The following TRPM8 variants were observed in gnomAD, a reference collection of about 807,000 sequenced individuals.
The protein encoded by TRPM8 is TRPM8 cationic channel.
A neutral mutation model predicts 133.7 loss-of-function variants in TRPM8; 110 were observed. The ratio of observed to expected loss-of-function variants is 0.82; its 90% confidence interval spans 0.70 to 0.96. The LOEUF (loss-of-function observed/expected upper bound fraction) is 0.96. Among genes scored for constraint, TRPM8 ranks in the 40% least tolerant of loss-of-function variants. The probability of loss-of-function intolerance (pLI) is 0.00; values close to 1 mark genes in which losing one functional copy is unlikely to be tolerated. For synonymous variants in TRPM8, 535 were observed against 532.3 expected (o/e 1.01, Z -0.07); for missense variants, 1,291 against 1,379.5 (o/e 0.94, Z 1.02).
chr2:233,974,705 G>A (rs562122029), intron 17 of TRPM8, among the ~76,000 whole-genome samples: 1 of 152,258 alleles, frequency 6.6e-6, no homozygotes, highest in Non-Finnish European at 1.5e-5. Flanking sequence ...AGCTCTGTGG[G>A]GGCAGCAGAG....
Position 233,955,129 on chromosome 2 carries a change from C to T in TRPM8, c.1244-3C>T, listed in dbSNP as rs1184153952. 1.2e-6 allele frequency: 2 copies of T among 1,611,908 alleles called. No homozygotes were observed. Among genetic ancestry groups the T allele is most frequent in the Admixed American group, 1.7e-5 (1 of 59,994 alleles). ...AGTTGAGTCTTTTCCTGCCCTCTCA[C>T]AGCCTTCAGCACCAGTGAGCAAGAC... On this transcript the variant is annotated splice_region_variant and splice_polypyrimidine_tract_variant and intron_variant, in intron 10 of 25. Transcript: ENST00000324695.
At chr2:233,925,641 G>A (rs1691499551) in intron 1 of TRPM8, among the ~76,000 whole-genome samples, 1 of 152,180 alleles carries the variant, frequency 6.6e-6, no homozygotes, top group Non-Finnish European at 1.5e-5. Flanking sequence ...AAGGGGTGAG[G>A]AGGAAGGACT....
chr2:233,920,257 G>C (rs933966308), intron 1 of TRPM8, among the ~76,000 whole-genome samples: 1 of 152,184 alleles, frequency 6.6e-6, no homozygotes, highest in South Asian at 2.1e-4. Context: ...TGAAAAAAAT[G>C]TGAACGGTAT....
At chr2:233,961,366 C>A (rs1691432863) in intron 12 of TRPM8, among the ~76,000 whole-genome samples, 1 of 152,094 alleles carries the variant, frequency 6.6e-6, no homozygotes, top group Admixed American at 6.5e-5. Context: ...AGTGCAGTGG[C>A]CGAATCTCAG....
At chr2:233,956,404 T>C (rs1264825178) in intron 11 of TRPM8, among the ~76,000 whole-genome samples, 1 of 152,240 alleles carries the variant, frequency 6.6e-6, no homozygotes, top group Admixed American at 6.5e-5. Flanking sequence ...TTTCCAGCAG[T>C]ATCCTCCCGT....
Position 233,921,656 on chromosome 2 carries a change from T to G in TRPM8, c.-6+4224T>G, listed in dbSNP as rs1412753878. Among the ~76,000 whole-genome samples, 3 of 149,044 alleles carry G rather than the reference T, an allele frequency of 2.0e-5. 1 individual carries two copies. The Admixed American group carries it at 2.0e-4, about 10-fold the overall frequency. On this transcript the variant is annotated intron_variant, in intron 1 of 25. Transcript: ENST00000324695. The stretch of plus-strand genomic sequence containing the variant: ...TTTCTTTTCTTTTTTTTCTTTTTCT[T>G]TTTTCTTTTTCTTTTCTTTTCTTTT...
At chr2:233,983,000 C>G in intron 19 of TRPM8, 53 bp from the exon 20 acceptor site, 1 of 1,576,100 alleles carries the variant, frequency 6.3e-7, no homozygotes, top group Non-Finnish European at 8.6e-7. Context: ...GCCGGGGGGA[C>G]TTGCCAACTG....
Position 233,923,024 on chromosome 2 carries a change from C to G in TRPM8, c.-5-3509C>G, listed in dbSNP as rs557400793. On this transcript the variant is annotated intron_variant, in intron 1 of 25. Coordinates refer to ENST00000324695, the MANE Select transcript of TRPM8 (RefSeq NM_024080.5). The stretch of plus-strand genomic sequence containing the variant: ...CTGGGACTACAGGCACCCGCCACCA[C>G]GCCTGGCTAATTTTTTTTGTTGTTG... Among the ~76,000 whole-genome samples, 4 of 152,042 alleles carry G rather than the reference C, an allele frequency of 2.6e-5. No individual in the cohort carries two copies. In the East Asian group the frequency reaches 5.8e-4, roughly 22 times the overall value.
chr2:233,935,903 C>T (rs1042480083), intron 3 of TRPM8, among the ~76,000 whole-genome samples: 5 of 152,096 alleles, frequency 3.3e-5, no homozygotes, highest in African/African-American at 4.8e-5. Flanking sequence ...TCAGGATGCC[C>T]TGGATAGAGA....
Position 233,961,014 on chromosome 2 carries a change from G to A in TRPM8, c.1601G>A (p.Gly534Asp), listed in dbSNP as rs933980365. 1 of 1,614,168 alleles carries A rather than the reference G, an allele frequency of 6.2e-7. No homozygotes were observed. Among genetic ancestry groups the A allele is most frequent in the Non-Finnish European group, 8.5e-7 (1 of 1,180,042 alleles). Residue 534 changes from glycine (G) to aspartate (D), a missense_variant, in exon 12 of 26, where the codon GGC (glycine) becomes GAC (aspartate). By Grantham distance (94) the Gly-to-Asp change is moderately conservative. Transcript: ENST00000324695. ...VWKLVANFRR[G>D]FRKEDRNGRD... Reference sequence around the variant, plus strand: ...AAACTGGTTGCGAACTTCCGAAGAGGCTTCCGGAAGGAAGACAGAAATGGC... The same window carrying A: ...AAACTGGTTGCGAACTTCCGAAGAGACTTCCGGAAGGAAGACAGAAATGGC...
In TRPM8 at chr2:233,955,208, C is replaced by G; in HGVS notation, c.1320C>G (p.Asp440Glu). The change falls in exon 11 of 26, where the codon GAC becomes GAG. Residue 440 changes from aspartate (D) to glutamate (E), a missense_variant. Transcript: ENST00000324695. ...TTCTGCTGGAGTGGAACCAGCTGGA[C>G]TTAGCCAATGATGAGATTTTCACCA... ...LKLLLEWNQL[D>E]LANDEIFTND... 1.2e-6 allele frequency: 2 copies of G among 1,614,116 alleles called. No individual in the cohort carries two copies. The highest frequency in any genetic ancestry group is 1.1e-5 in the South Asian group (1 of 91,076).
intron 22 of TRPM8, among the ~76,000 whole-genome samples, chr2:233,997,208 A>G (rs1328245205): frequency 6.6e-6 from 1 of 151,888 alleles, no homozygotes; most frequent in African/African-American, 2.4e-5. Flanking sequence ...CAGGAGGTGG[A>G]GGATGCAGTG....
intron 10 of TRPM8, 188 bp from the exon 11 acceptor site, chr2:233,954,944 T>C: frequency 1.9e-6 from 1 of 531,544 alleles, no homozygotes; most frequent in Admixed American, 3.4e-5. Flanking sequence ...CATTATAAAC[T>C]TTGGGACATA....
chr2:233,941,896 C>T (rs1288965088), intron 5 of TRPM8, among the ~76,000 whole-genome samples: 1 of 151,936 alleles, frequency 6.6e-6, no homozygotes. Context: ...ATATGGGGGT[C>T]CAGGAGCAGA....
intron 11 of TRPM8, among the ~76,000 whole-genome samples, chr2:233,958,707 C>T (rs1276891520): frequency 6.6e-6 from 1 of 152,210 alleles, no homozygotes; most frequent in East Asian, 1.9e-4. Flanking sequence ...CCCTCTTCCC[C>T]TGCTGAGCTC....
chr2:233,943,981 T>G (rs190435199), intron 6 of TRPM8, among the ~76,000 whole-genome samples: 11 of 152,220 alleles, frequency 7.2e-5, no homozygotes, highest in South Asian at 4.1e-4. Context: ...TGTTTTTTTT[T>G]GTGCATCTTC....
chr2:233,972,620 A>ACC (rs1486078880), intron 17 of TRPM8, among the ~76,000 whole-genome samples: 2 of 152,344 alleles, frequency 1.3e-5, no homozygotes, highest in East Asian at 3.9e-4. Flanking sequence ...CCCCACGGGA[A>ACC]GGCAGCTACG....
intron 1 of TRPM8, among the ~76,000 whole-genome samples, chr2:233,926,249 A>G (rs1198892248): frequency 6.6e-6 from 1 of 152,138 alleles, no homozygotes; most frequent in African/African-American, 2.4e-5. Context: ...TGGTGGGGCC[A>G]TGCACTTGGC....
At chr2:233,960,740 A>T in intron 11 of TRPM8, 36 bp from the exon 12 acceptor site, 1 of 1,557,636 alleles carries the variant, frequency 6.4e-7, no homozygotes. Flanking sequence ...ATATTTTTAT[A>T]GTATTGTTAG....
Sources: gnomAD v4.1 joint callset for allele counts (sites outside exome capture counted in the v4.1 genomes callset) on GRCh38, gnomAD v4.1.1 for gene constraint, MANE v1.5 for transcripts, NCBI Gene and HGNC (gene_info 2026-07-23, HGNC 2026-07-21) for gene names.